The following PTPN3 variants were observed in gnomAD, a reference collection of about 807,000 sequenced individuals.
The protein encoded by PTPN3 is tyrosine-protein phosphatase non-receptor type 3.
Under a neutral mutation model 132.7 loss-of-function variants are expected in PTPN3, and 96 were observed. The ratio of observed to expected loss-of-function variants is 0.72; its 90% confidence interval spans 0.61 to 0.86. PTPN3 has a LOEUF of 0.86. PTPN3 is among the 40% of genes least tolerant of loss of function. The probability of loss-of-function intolerance (pLI) is 0.00; values close to 1 mark genes in which losing one functional copy is unlikely to be tolerated. For missense variants in PTPN3, 1,125 were observed against 1,159.6 expected (o/e 0.97, Z 0.43); for synonymous variants, 398 against 429.0 (o/e 0.93, Z 0.89).
chr9:109,497,417 A>G (rs1847718285), intron 1 of PTPN3, among the ~76,000 whole-genome samples: 1 of 152,144 alleles, frequency 6.6e-6, no homozygotes, highest in Non-Finnish European at 1.5e-5. Flanking sequence ...AGAGAGGTTA[A>G]ACAACTTGCC....
At position 109,448,913 on chromosome 9, in the gene PTPN3, A is replaced by G. The variant is rs1588445381; in HGVS notation, c.369-58T>C. Reference sequence around the variant, plus strand: ...CAAACTGAAATAAGCAAAAAAAAAAAAAAAAGAAAGTTTGATGAGTCAAAG... The same window carrying G: ...CAAACTGAAATAAGCAAAAAAAAAAGAAAAAGAAAGTTTGATGAGTCAAAG... On this transcript the variant is annotated intron_variant, in intron 5 of 25. Transcript: ENST00000374541. 20 of 1,566,950 alleles carry G rather than the reference A, an allele frequency of 1.3e-5. No homozygotes were observed. The East Asian group carries it at 4.3e-4, about 33-fold the overall frequency.
chr9:109,524,390 C>CTT, the PTPN3 span, among the ~76,000 whole-genome samples: 1 of 54,846 alleles, frequency 1.8e-5, no homozygotes, highest in Non-Finnish European at 3.6e-5. Context: ...CATCTCACAG[C>CTT]TGGAGCCTCT....
At chr9:109,405,481 T>G (rs1340213563) in intron 18 of PTPN3, among the ~76,000 whole-genome samples, 1 of 152,222 alleles carries the variant, frequency 6.6e-6, no homozygotes, top group Non-Finnish European at 1.5e-5. Flanking sequence ...TGACGTATTA[T>G]TTTATAACAA....
intron 9 of PTPN3, among the ~76,000 whole-genome samples, chr9:109,433,734 T>C (rs1313005793): frequency 6.6e-6 from 1 of 152,036 alleles, no homozygotes; most frequent in East Asian, 1.9e-4. Context: ...GGCGAAACTC[T>C]GTCTCTACAA....
At chr9:109,479,741 A>C (rs1367322803) in intron 1 of PTPN3, among the ~76,000 whole-genome samples, 2 of 152,078 alleles carry the variant, frequency 1.3e-5, no homozygotes, top group African/African-American at 2.4e-5. Flanking sequence ...CACCACGCCC[A>C]GCTAAGCTTT....
chr9:109,432,961 ACT>A, intron 10 of PTPN3, 110 bp downstream of exon 10: 1 of 1,459,296 alleles, frequency 6.9e-7, no homozygotes, highest in Non-Finnish European at 9.1e-7. Context: ...CTCGGGAGGC[ACT>A]CTCTATCTTT....
At chr9:109,389,997 C>T (rs1341210407) in intron 21 of PTPN3, among the ~76,000 whole-genome samples, 1 of 152,176 alleles carries the variant, frequency 6.6e-6, no homozygotes, top group Non-Finnish European at 1.5e-5. Flanking sequence ...ACCTGCTGAG[C>T]TTTGGGCTGG....
intron 7 of PTPN3, among the ~76,000 whole-genome samples, chr9:109,443,163 C>A (rs1321010980): frequency 6.6e-6 from 1 of 150,840 alleles, no homozygotes; most frequent in Non-Finnish European, 1.5e-5. Context: ...GCAGCCTCAA[C>A]CTCTGGGGCT....
chr9:109,423,236 A>G (rs1843003249), intron 12 of PTPN3, among the ~76,000 whole-genome samples: 1 of 152,216 alleles, frequency 6.6e-6, no homozygotes, highest in Admixed American at 6.5e-5. Context: ...GGTGCTCTTC[A>G]TCATCCTAGC....
chr9:109,437,104 T>C, intron 8 of PTPN3, 134 bp from the exon 9 acceptor site: 1 of 1,408,908 alleles, frequency 7.1e-7, no homozygotes, highest in South Asian at 1.4e-5. Flanking sequence ...TCTTCAGCAA[T>C]CTAATGCTAA....
chr9:109,465,704 CTCAAAAA>C (rs1382573796), intron 1 of PTPN3, among the ~76,000 whole-genome samples: 18 of 18,582 alleles, frequency 9.7e-4, no homozygotes, highest in Non-Finnish European at 1.6e-3. Context: ...AAAACTCTGT[CTCAAAAA>C]AAAAAAAAAA....
intron 19 of PTPN3, 141 bp from the exon 20 acceptor site, chr9:109,391,702 A>G: frequency 3.1e-6 from 2 of 642,410 alleles, no homozygotes; most frequent in South Asian, 2.5e-5. Flanking sequence ...AATCTTCCCA[A>G]TAAGAAATTC....
chr9:109,463,176 T>C, intron 2 of PTPN3, 121 bp downstream of exon 2: 2 of 1,068,198 alleles, frequency 1.9e-6, no homozygotes, highest in South Asian at 1.8e-5. Context: ...ACATACAAGA[T>C]CTGAGATCTC....
chr9:109,431,856 T>C (rs558202476), intron 10 of PTPN3, among the ~76,000 whole-genome samples: 55 of 152,108 alleles, frequency 3.6e-4, no homozygotes, highest in Non-Finnish European at 6.9e-4. Flanking sequence ...TCTTTGTACC[T>C]CTGTTTCCTC....
the PTPN3 span, chr9:109,534,440 G>T: frequency 7.6e-7 from 1 of 1,316,656 alleles, no homozygotes; most frequent in Non-Finnish European, 9.9e-7. Flanking sequence ...GCTCTCTGGG[G>T]TCCGCTCTCC....
At chr9:109,456,578 G>C (rs557739085) in intron 4 of PTPN3, among the ~76,000 whole-genome samples, 1 of 152,182 alleles carries the variant, frequency 6.6e-6, no homozygotes, top group Non-Finnish European at 1.5e-5. Flanking sequence ...GGCATGAGTG[G>C]CATAAAGGGG....
intron 6 of PTPN3, 106 bp from the exon 7 acceptor site, chr9:109,445,398 A>G: frequency 2.9e-6 from 3 of 1,030,438 alleles, no homozygotes; most frequent in Non-Finnish European, 4.5e-6. Flanking sequence ...TTGATCAACC[A>G]TTACAAAACA....
At chr9:109,462,224 C>T (rs558247804) in intron 2 of PTPN3, among the ~76,000 whole-genome samples, 16 of 152,304 alleles carry the variant, frequency 1.1e-4, no homozygotes, top group South Asian at 4.1e-4. Flanking sequence ...GACAGGGAGA[C>T]GTCTGCAGCC....
At chr9:109,393,364 T>C (rs562286918) in intron 19 of PTPN3, among the ~76,000 whole-genome samples, 26 of 151,804 alleles carry the variant, frequency 1.7e-4, no homozygotes, top group African/African-American at 6.3e-4. Flanking sequence ...CCAAATAATA[T>C]TTTTAATGGT....
Sources: gnomAD v4.1 joint callset for allele counts (sites outside exome capture counted in the v4.1 genomes callset) on GRCh38, gnomAD v4.1.1 for gene constraint, MANE v1.5 for transcripts, NCBI Gene and HGNC (gene_info 2026-07-23, HGNC 2026-07-21) for gene names.